Variants in SPPL3 observed in about 807,000 individuals in gnomAD.
The protein encoded by SPPL3 is signal peptide peptidase-like 3.
Under a neutral mutation model 42.4 loss-of-function variants are expected in SPPL3, and 5 were observed. The observed-to-expected ratio is 0.12, with a 90% confidence interval of 0.06 to 0.25. SPPL3 has a LOEUF of 0.25. Among genes scored for constraint, SPPL3 ranks in the 10% least tolerant of loss-of-function variants. The probability of loss-of-function intolerance (pLI) is 1.00; values close to 1 mark genes in which losing one functional copy is unlikely to be tolerated. For synonymous variants in SPPL3, 195 were observed against 181.8 expected, an observed-to-expected ratio of 1.07 and a Z score of -0.58; for missense variants, 235 against 489.0, an observed-to-expected ratio of 0.48 and a Z score of 4.90.
chr12:120,779,019 G>A (rs1869430996), intron 6 of SPPL3, among the ~76,000 whole-genome samples: 1 of 152,132 alleles, frequency 6.6e-6, no homozygotes, highest in Admixed American at 6.5e-5. Flanking sequence ...CCAGGAGCTT[G>A]AGGTCACAGT....
At chr12:120,863,805 CTTTT>C (rs34937059) in intron 1 of SPPL3, among the ~76,000 whole-genome samples, 5 of 141,968 alleles carry the variant, frequency 3.5e-5, no homozygotes, top group Non-Finnish European at 4.6e-5. Context: ...CCACATTTAG[CTTTT>C]TTTTTTTTTT....
At chr12:120,803,739 G>C (rs1218220960) in intron 2 of SPPL3, among the ~76,000 whole-genome samples, 1 of 152,100 alleles carries the variant, frequency 6.6e-6, no homozygotes, top group African/African-American at 2.4e-5. Flanking sequence ...ATAGTGAATT[G>C]ATGAAATTCT....
At chr12:120,839,390 G>A (rs1039080035) in intron 1 of SPPL3, among the ~76,000 whole-genome samples, 3 of 148,780 alleles carry the variant, frequency 2.0e-5, no homozygotes, top group Non-Finnish European at 4.5e-5. Flanking sequence ...GATAGCATTA[G>A]GAGATATACC....
rs147024847 is a variant in SPPL3 at position 120,800,439 on chromosome 12, G to A, written c.102-8882C>T. Among the ~76,000 whole-genome samples the A allele has an allele frequency of 3.9e-3, 587 of 152,136 alleles. 8 individuals are homozygous for A. Among genetic ancestry groups the A allele is most frequent in the African/African-American group, 0.013 (550 of 41,474 alleles). On this transcript the variant is annotated intron_variant, in intron 2 of 10. Transcript: ENST00000353487. ...AACTGCTTGAACCCGGGAGGTGGAG[G>A]TTGCAGTGAACTGAGATCACACCAC...
intron 1 of SPPL3, among the ~76,000 whole-genome samples, chr12:120,858,722 G>A (rs921108986): frequency 2.6e-5 from 4 of 152,104 alleles, no homozygotes. Flanking sequence ...GATCCAAAAT[G>A]TATACAATAG....
At chr12:120,865,743 A>G (rs1872737262) in intron 1 of SPPL3, among the ~76,000 whole-genome samples, 1 of 152,226 alleles carries the variant, frequency 6.6e-6, no homozygotes, top group Non-Finnish European at 1.5e-5. Flanking sequence ...GCCTGGAAGA[A>G]TCACCTAAGG....
intron 1 of SPPL3, among the ~76,000 whole-genome samples, chr12:120,889,387 T>C (rs1420272775): frequency 1.3e-5 from 2 of 152,216 alleles, no homozygotes; most frequent in Non-Finnish European, 2.9e-5. Context: ...AAGATTTATT[T>C]TTGTGGCTCC....
At chr12:120,889,163 G>A (rs1190226519) in intron 1 of SPPL3, among the ~76,000 whole-genome samples, 2 of 151,986 alleles carry the variant, frequency 1.3e-5, no homozygotes, top group African/African-American at 4.8e-5. Flanking sequence ...ACATCAGAAT[G>A]AAAAACACAA....
chr12:120,875,755 A>G (rs1018333815), intron 1 of SPPL3, among the ~76,000 whole-genome samples: 1 of 152,228 alleles, frequency 6.6e-6, no homozygotes, highest in Admixed American at 6.5e-5. Context: ...ACATAAGCAT[A>G]TCAATAATTA....
intron 1 of SPPL3, among the ~76,000 whole-genome samples, chr12:120,830,116 G>A (rs931751431): frequency 6.7e-6 from 1 of 149,706 alleles, no homozygotes; most frequent in Admixed American, 6.7e-5. Context: ...GAAACTCATG[G>A]TAGCTGTGAG....
intron 1 of SPPL3, among the ~76,000 whole-genome samples, chr12:120,840,440 T>C (rs1208570359): frequency 6.6e-6 from 1 of 152,042 alleles, no homozygotes; most frequent in African/African-American, 2.4e-5. Context: ...GCGAGTAGAT[T>C]AACAGTTACT....
rs1868987894 is a variant in SPPL3, at chr12:120,768,455, C to T, written c.643G>A (p.Val215Ile). 6.2e-7 allele frequency: 1 copy of T among 1,614,058 alleles called. No homozygotes were observed. The highest frequency in any genetic ancestry group is 8.5e-7 in the Non-Finnish European group (1 of 1,179,960). Residue 215 changes from valine to isoleucine, a missense_variant, in exon 8 of 11, where the codon GTC becomes ATC. Val to Ile is a conservative substitution (Grantham distance 29). Coordinates refer to ENST00000353487, the MANE Select transcript of SPPL3 (RefSeq NM_139015.5). ...FFSAYIFNSN[V>I]MVKVATQPAD... Reference sequence around the variant, plus strand: ...GGCTGAGTGGCCACCTTCACCATGACGTTGCTATTGAAGATGTAGGCTGAG... The same window carrying T: ...GGCTGAGTGGCCACCTTCACCATGATGTTGCTATTGAAGATGTAGGCTGAG...
chr12:120,878,115 CA>C (rs1873163980), intron 1 of SPPL3, among the ~76,000 whole-genome samples: 2 of 151,942 alleles, frequency 1.3e-5, no homozygotes, highest in African/African-American at 4.8e-5. Context: ...TGTATTTCTA[CA>C]TACCAGTAAT....
chr12:120,833,402 C>T (rs1871494974), intron 1 of SPPL3, among the ~76,000 whole-genome samples: 1 of 151,990 alleles, frequency 6.6e-6, no homozygotes, highest in Non-Finnish European at 1.5e-5. Flanking sequence ...CTAGGAAGAA[C>T]GTCTGAATCA....
At chr12:120,802,724 C>T (rs1592970186) in intron 2 of SPPL3, among the ~76,000 whole-genome samples, 2 of 152,012 alleles carry the variant, frequency 1.3e-5, no homozygotes, top group Non-Finnish European at 2.9e-5. Context: ...CGTGAGCCAC[C>T]GTGCCTGGTC....
chr12:120,832,171 G>A (rs775702202), intron 1 of SPPL3, among the ~76,000 whole-genome samples: 1 of 152,072 alleles, frequency 6.6e-6, no homozygotes, highest in Non-Finnish European at 1.5e-5. Flanking sequence ...AAATAACCCT[G>A]TGACAACATT....
chr12:120,852,760 C>CATA (rs1555252649), intron 1 of SPPL3, among the ~76,000 whole-genome samples: 28,169 of 51,226 alleles, frequency 0.55, 8,959 homozygotes, highest in Admixed American at 0.67. Context: ...TATATTATAT[C>CATA]TATGTATATT....
At chr12:120,897,926 A>G (rs1337169278) in intron 1 of SPPL3, among the ~76,000 whole-genome samples, 1 of 152,172 alleles carries the variant, frequency 6.6e-6, no homozygotes, top group African/African-American at 2.4e-5. Flanking sequence ...CTCAGGTTTA[A>G]TAATATTTGC....
At chr12:120,838,202 T>C (rs1281310351) in intron 1 of SPPL3, among the ~76,000 whole-genome samples, 1 of 152,214 alleles carries the variant, frequency 6.6e-6, no homozygotes, top group African/African-American at 2.4e-5. Flanking sequence ...TCCTGAGAGA[T>C]GGGCTATCTG....
Sources: gnomAD v4.1 joint callset for allele counts (sites outside exome capture counted in the v4.1 genomes callset) on GRCh38, gnomAD v4.1.1 for gene constraint, MANE v1.5 for transcripts, NCBI Gene and HGNC (gene_info 2026-07-23, HGNC 2026-07-21) for gene names.